Variants in IL10RA observed in about 807,000 individuals in gnomAD.
IL10RA encodes the protein interleukin 10 receptor subunit alpha.
Under a neutral mutation model 29.6 loss-of-function variants are expected in IL10RA, and 18 were observed. That is an observed-to-expected ratio of 0.61 (90% CI 0.42 to 0.90). IL10RA has a LOEUF of 0.90. Ranked by LOEUF, IL10RA falls within the 40% of genes least tolerant of loss-of-function variation. The pLI is 0.00. For missense variants in IL10RA, 634 were observed against 716.6 expected, an observed-to-expected ratio of 0.88 and a Z score of 1.32; for synonymous variants, 292 against 294.1, an observed-to-expected ratio of 0.99 and a Z score of 0.07.
intron 3 of IL10RA, among the ~76,000 whole-genome samples, chr11:117,992,036 C>A (rs1451365601): frequency 6.6e-6 from 1 of 152,146 alleles, no homozygotes; most frequent in East Asian, 1.9e-4. Flanking sequence ...GGCCGGGCCT[C>A]AGTTTCCTAT....
intron 5 of IL10RA, among the ~76,000 whole-genome samples, chr11:117,994,482 C>G (rs2058043954): frequency 6.6e-6 from 1 of 152,206 alleles, no homozygotes; most frequent in Non-Finnish European, 1.5e-5. Flanking sequence ...GTGCTAGTTC[C>G]TGTTGTTACA....
downstream of IL10RA, chr11:118,002,159 C>T (rs2058099797): frequency 6.6e-6 from 1 of 152,264 alleles, no homozygotes; most frequent in African/African-American, 2.4e-5. Context: ...CATGAAAAAC[C>T]CCATGTGGGT....
At position 117,999,650 on chromosome 11, in the gene IL10RA, G is replaced by A. The variant is rs377174523; in HGVS notation, c.*9G>A. The A allele has an allele frequency of 1.3e-4, 209 of 1,611,382 alleles. No homozygotes were observed. The highest frequency in any genetic ancestry group is 1.6e-4 in the Non-Finnish European group (190 of 1,177,996). On this transcript the variant is annotated 3_prime_UTR_variant, in exon 7 of 7. Coordinates refer to ENST00000227752, the MANE Select transcript of IL10RA (RefSeq NM_001558.4). ...TGCAGTCAAGTGAGTGACTCGGGCT[G>A]AGAGGCTGCTTTTGATTTTAGCCAT...
Position 117,989,715 on chromosome 11 carries a change from C to A in IL10RA, c.367+95C>A. ...TTTTCTGTCTATTACCATAGCTCAC[C>A]ATGTCTGCCAGCCTCCCTGGCCGGA... On this transcript the variant is annotated intron_variant, in intron 3 of 6. Coordinates refer to ENST00000227752, the MANE Select transcript of IL10RA (RefSeq NM_001558.4). The surrounding 1 kb of genome is among the most constrained non-coding windows in gnomAD (Gnocchi z 4.5). 7.9e-7 allele frequency: 1 copy of A among 1,273,000 alleles called. No homozygotes were observed. Among genetic ancestry groups the A allele is most frequent in the Non-Finnish European group, 1.1e-6 (1 of 898,016 alleles). 78.9% of individuals were successfully genotyped at this position (1,273,000 alleles called of 1,614,324 possible).
In IL10RA at chr11:117,999,432, G is replaced by A; in HGVS notation, c.1528G>A (p.Gly510Arg). The A allele has an allele frequency of 6.2e-7, 1 of 1,614,218 alleles. No homozygotes were observed. Among genetic ancestry groups the A allele is most frequent in the Non-Finnish European group, 8.5e-7 (1 of 1,180,034 alleles). The change falls in exon 7 of 7, where the codon GGG (glycine) becomes AGG (arginine). Residue 510 changes from glycine (G) to arginine (R), a missense_variant. Coordinates refer to ENST00000227752, the MANE Select transcript of IL10RA (RefSeq NM_001558.4). ...DPLEMTLASS[G>R]APTGQWNQPT... ...TCTAGAAATGACTCTGGCTTCCTCA[G>A]GGGCCCCAACGGGACAGTGGAACCA...
At position 117,995,647 on chromosome 11, in the gene IL10RA, C is replaced by T; in HGVS notation, c.747C>T (p.Ala249=). ...CCTTTGTCCTGCTGCTCTCCGGAGC[C>T]CTCGCCTACTGCCTGGCCCTCCAGC... ...FFAFVLLLSG[A]LAYCLALQLY... Residue 249 remains alanine (A), a synonymous_variant, in exon 6 of 7, where the codon GCC becomes GCT. Coordinates refer to ENST00000227752, the MANE Select transcript of IL10RA (RefSeq NM_001558.4). 1 of 1,614,132 alleles carries T rather than the reference C, an allele frequency of 6.2e-7. No individual in the cohort carries two copies. The highest frequency in any genetic ancestry group is 8.5e-7 in the Non-Finnish European group (1 of 1,180,004).
At chr11:117,990,456 G>C (rs938411808) in intron 3 of IL10RA, among the ~76,000 whole-genome samples, 1 of 151,982 alleles carries the variant, frequency 6.6e-6, no homozygotes, top group African/African-American at 2.4e-5. Context: ...ATATGAAATG[G>C]TTTTTAGGGC....
In IL10RA at chr11:118,000,903, C is replaced by T. The variant is rs1440026699; in HGVS notation, c.*1262C>T. The T allele has an allele frequency of 2.2e-6, 1 of 454,248 alleles. No homozygotes were observed. Among genetic ancestry groups the T allele is most frequent in the Non-Finnish European group, 4.4e-6 (1 of 226,792 alleles). The allele number at this position is 454,248 out of a possible 1,614,324, so 28.1% of individuals were successfully genotyped here. The stretch of plus-strand genomic sequence containing the variant: ...AGCCCCAGAAGGGGGCATTATGGGC[C>T]CTGCCTCCCCATAGGCCATTTGGAC... On this transcript the variant is annotated 3_prime_UTR_variant, in exon 7 of 7. Transcript: ENST00000227752.
At position 117,999,224 on chromosome 11, in the gene IL10RA, T is replaced by C; in HGVS notation, c.1320T>C (p.Ala440=). 1.9e-6 allele frequency: 3 copies of C among 1,614,250 alleles called. No individual in the cohort carries two copies. The highest frequency in any genetic ancestry group is 2.5e-6 in the Non-Finnish European group (3 of 1,180,048). ...PEVPGEEDPA[A]VAFQGYLRQT... ...TGCCTGGGGAAGAAGACCCAGCTGC[T>C]GTGGCATTCCAGGGTTACCTGAGGC... Residue 440 remains alanine, a synonymous_variant, in exon 7 of 7, where the codon GCT becomes GCC. Transcript: ENST00000227752.
At chr11:118,001,750 A>AC (rs2058097050), downstream of IL10RA, 4 of 237,530 alleles carry the variant, frequency 1.7e-5, no homozygotes, top group African/African-American at 9.0e-5. Flanking sequence ...GTGAGGTGTA[A>AC]ATGAAATTGC....
Position 117,989,725 on chromosome 11 carries a change from A to G in IL10RA, c.367+105A>G. ...ATTACCATAGCTCACCATGTCTGCC[A>G]GCCTCCCTGGCCGGAGAACTAGTTG... On this transcript the variant is annotated intron_variant, in intron 3 of 6. Transcript: ENST00000227752. This position sits in a 1 kb window ranked among gnomAD's most constrained non-coding sequence, Gnocchi z 4.5. The G allele has an allele frequency of 8.3e-7, 1 of 1,207,118 alleles. No individual in the cohort carries two copies. The highest frequency in any genetic ancestry group is 1.2e-6 in the Non-Finnish European group (1 of 840,600). 74.8% of individuals were successfully genotyped at this position (1,207,118 alleles called of 1,614,324 possible).
chr11:117,995,665 C>T lies in IL10RA; in HGVS notation c.765C>T (p.Ala255=). 6.2e-7 allele frequency: 1 copy of T among 1,614,096 alleles called. No individual in the cohort carries two copies. The highest frequency in any genetic ancestry group is 1.6e-4 in the Middle Eastern group (1 of 6,062). Residue 255 remains alanine, a synonymous_variant, in exon 6 of 7, where the codon GCC becomes GCT. Coordinates refer to ENST00000227752, the MANE Select transcript of IL10RA (RefSeq NM_001558.4). ...LLSGALAYCL[A]LQLYVRRRKK... is the part of the protein sequence containing the mutation. ...CCGGAGCCCTCGCCTACTGCCTGGC[C>T]CTCCAGCTGTATGTGCGGCGCCGAA...
rs1412169942 is a variant in IL10RA at position 117,999,804 on chromosome 11, T to C, written c.*163T>C. 2.8e-6 allele frequency: 2 copies of C among 724,068 alleles called. No individual in the cohort carries two copies. The highest frequency in any genetic ancestry group is 4.0e-5 in the Admixed American group (2 of 50,054). 44.9% of individuals were successfully genotyped at this position (724,068 alleles called of 1,614,324 possible). On this transcript the variant is annotated 3_prime_UTR_variant, in exon 7 of 7. Transcript: ENST00000227752. ...AGGCCCTGCAGGGCTGGTCAGGGTGTCTGGGGCAGGAGGAGGCCAACTCAC... is the reference window on the plus strand; with the variant it reads ...AGGCCCTGCAGGGCTGGTCAGGGTGCCTGGGGCAGGAGGAGGCCAACTCAC...
chr11:118,001,486 G>T (rs1365005027), downstream of IL10RA: 1 of 407,018 alleles, frequency 2.5e-6, no homozygotes, highest in South Asian at 1.8e-5. Context: ...CACAGGAATC[G>T]TGTGAAACTA....
At chr11:117,991,057 C>T (rs1028433175) in intron 3 of IL10RA, among the ~76,000 whole-genome samples, 5 of 151,816 alleles carry the variant, frequency 3.3e-5, no homozygotes, top group African/African-American at 4.8e-5. Flanking sequence ...ATTAGCCGGG[C>T]GTGGTGGCGT....
In IL10RA at chr11:117,989,449, A is replaced by G. The variant is rs2058007957; in HGVS notation, c.196A>G (p.Ile66Val). 1 of 1,613,920 alleles carries G rather than the reference A, an allele frequency of 6.2e-7. No individual in the cohort carries two copies. The highest frequency in any genetic ancestry group is 1.3e-5 in the African/African-American group (1 of 74,926). ...CYEVALLRYG[I>V]ESWNSISNCS... ...AACCTGGTATCTCCTCAGGTATGGA[A>G]TAGAGTCCTGGAACTCCATCTCCAA... Residue 66 changes from isoleucine (I) to valine (V), a missense_variant, in exon 3 of 7, where the codon ATA becomes GTA. By Grantham distance (29) the Ile-to-Val change is conservative (BLOSUM62 3). Coordinates refer to ENST00000227752, the MANE Select transcript of IL10RA (RefSeq NM_001558.4). This position sits in a 1 kb window ranked among gnomAD's most constrained non-coding sequence, Gnocchi z 4.5.
rs1311685651 is a variant in IL10RA at position 117,986,757 on chromosome 11, C to G, written c.67+223C>G. 3 of 1,531,076 alleles carry G rather than the reference C, an allele frequency of 2.0e-6. No homozygotes were observed. In the Admixed American group the frequency reaches 5.9e-5, roughly 30 times the overall value. The allele number at this position is 1,531,076 out of a possible 1,614,324, so 94.8% of individuals were successfully genotyped here. The stretch of plus-strand genomic sequence containing the variant: ...GGATTGGGAAGGATAGAGAAGTATG[C>G]GCAAGGCCAAACCCCCAACCCGCAA... On this transcript the variant is annotated intron_variant, in intron 1 of 6. Transcript: ENST00000227752.
At chr11:117,998,347 T>G (rs993982173) in intron 6 of IL10RA, among the ~76,000 whole-genome samples, 1 of 152,232 alleles carries the variant, frequency 6.6e-6, no homozygotes, top group Non-Finnish European at 1.5e-5. Context: ...AACTTATTTC[T>G]GATTTTGAGT....
At chr11:117,991,996 A>G (rs942593083) in intron 3 of IL10RA, among the ~76,000 whole-genome samples, 1 of 152,120 alleles carries the variant, frequency 6.6e-6, no homozygotes, top group African/African-American at 2.4e-5. Flanking sequence ...AAGCCTCCCA[A>G]AGTGCTAGGA....
Sources: gnomAD v4.1 joint callset for allele counts (sites outside exome capture counted in the v4.1 genomes callset) on GRCh38, gnomAD v4.1.1 for gene constraint, Gnocchi (gnomAD v3.1) non-coding constraint, MANE v1.5 for transcripts, NCBI Gene and HGNC (gene_info 2026-07-23, HGNC 2026-07-21) for gene names.